FNDC3B: variants seen among roughly 807,000 people sequenced by gnomAD.
FNDC3B encodes fibronectin type III domain-containing protein 3B.
FNDC3B carries 12 observed loss-of-function variants against 151.5 expected under a neutral mutation model. The observed-to-expected ratio is 0.08, with a 90% confidence interval of 0.05 to 0.13. The LOEUF (loss-of-function observed/expected upper bound fraction) is 0.13. Ranked by LOEUF, FNDC3B falls within the 10% of genes least tolerant of loss-of-function variation. The pLI, the probability that FNDC3B is intolerant of heterozygous loss-of-function variation, is 1.00. For synonymous variants in FNDC3B, 528 were observed against 549.0 expected, an observed-to-expected ratio of 0.96 and a Z score of 0.54; for missense variants, 1,214 against 1,505.3, an observed-to-expected ratio of 0.81 and a Z score of 3.20.
intron 6 of FNDC3B, among the ~76,000 whole-genome samples, chr3:172,278,544 G>C (rs1364551973): frequency 6.6e-6 from 1 of 152,220 alleles, no homozygotes; most frequent in Non-Finnish European, 1.5e-5. Flanking sequence ...TGGTGCTAGA[G>C]TTAATCTTGT....
At chr3:172,087,652 T>A (rs990939890) in intron 1 of FNDC3B, among the ~76,000 whole-genome samples, 3 of 152,178 alleles carry the variant, frequency 2.0e-5, no homozygotes, top group African/African-American at 7.2e-5. Flanking sequence ...TCAAATTTCA[T>A]TGCAAATTTT....
chr3:172,201,833 T>G (rs1287502456), intron 3 of FNDC3B, among the ~76,000 whole-genome samples: 1 of 152,180 alleles, frequency 6.6e-6, no homozygotes, highest in East Asian at 1.9e-4. Context: ...ATACAGCATT[T>G]TTTTAGTGTA....
intron 14 of FNDC3B, 42 bp downstream of exon 14, chr3:172,333,217 A>G: frequency 2.4e-6 from 3 of 1,233,564 alleles, no homozygotes; most frequent in Non-Finnish European, 3.6e-6. Context: ...TAAAAATGAA[A>G]CTGTTTTCTA....
chr3:172,061,050 T>C (rs1717170804), intron 1 of FNDC3B, among the ~76,000 whole-genome samples: 2 of 152,318 alleles, frequency 1.3e-5, no homozygotes, highest in South Asian at 2.1e-4. Flanking sequence ...CTATACCTCC[T>C]GAGCTCCTGG....
intron 1 of FNDC3B, among the ~76,000 whole-genome samples, chr3:172,047,676 AAC>A (rs1204548582): frequency 6.6e-6 from 1 of 152,220 alleles, no homozygotes; most frequent in East Asian, 1.9e-4. Context: ...GTGAACTACA[AAC>A]AGTTTACCAG....
chr3:172,383,557 G>A (rs971894794), intron 25 of FNDC3B, among the ~76,000 whole-genome samples: 6 of 152,152 alleles, frequency 3.9e-5, no homozygotes, highest in Admixed American at 2.6e-4. Flanking sequence ...TAATGTCAAA[G>A]GAATCACCCG....
intron 1 of FNDC3B, among the ~76,000 whole-genome samples, chr3:172,045,598 A>G (rs1716324259): frequency 6.6e-6 from 1 of 152,164 alleles, no homozygotes; most frequent in Non-Finnish European, 1.5e-5. Context: ...CTGCCTTTCC[A>G]CTTTAGAAAT....
chr3:172,043,216 CT>C (rs1716181251), intron 1 of FNDC3B, among the ~76,000 whole-genome samples: 1 of 152,252 alleles, frequency 6.6e-6, no homozygotes, highest in African/African-American at 2.4e-5. Flanking sequence ...CACACCCGGA[CT>C]AAGTTTTATT....
In FNDC3B at chr3:172,331,503, G is replaced by T. The variant is rs147337490; in HGVS notation, c.1554+788G>T. On this transcript the variant is annotated intron_variant, in intron 13 of 25. Coordinates refer to ENST00000415807, the MANE Select transcript of FNDC3B (RefSeq NM_022763.4). ...TTCCCAAGTAGCTGGGACTACAGGCGCCCGCCACCACACCCGGCTAATTTT... is the reference window on the plus strand; with the variant it reads ...TTCCCAAGTAGCTGGGACTACAGGCTCCCGCCACCACACCCGGCTAATTTT... Among the ~76,000 whole-genome samples, 26 of 152,052 alleles carry T rather than the reference G, an allele frequency of 1.7e-4. 1 individual carries two copies. The East Asian group carries it at 4.8e-3, about 28-fold the overall frequency.
chr3:172,229,101 AC>A (rs1474449292), intron 4 of FNDC3B, among the ~76,000 whole-genome samples: 1 of 148,710 alleles, frequency 6.7e-6, no homozygotes, highest in African/African-American at 2.5e-5. Flanking sequence ...ACACACACAC[AC>A]ACACACACAC....
intron 25 of FNDC3B, among the ~76,000 whole-genome samples, chr3:172,390,397 C>T (rs1257602403): frequency 6.6e-6 from 1 of 152,058 alleles, no homozygotes; most frequent in Non-Finnish European, 1.5e-5. Flanking sequence ...AAATAGGATT[C>T]CTTTATTTTT....
chr3:172,284,189 G>A (rs187187374), intron 6 of FNDC3B, among the ~76,000 whole-genome samples: 56 of 152,252 alleles, frequency 3.7e-4, no homozygotes, highest in African/African-American at 1.2e-3. Flanking sequence ...TTGTCCTAGG[G>A]CAGGGGTCAT....
At chr3:172,175,745 A>G (rs376710005) in intron 3 of FNDC3B, among the ~76,000 whole-genome samples, 3 of 152,218 alleles carry the variant, frequency 2.0e-5, no homozygotes, top group East Asian at 1.9e-4. Context: ...CATGATTACC[A>G]TAGTAAGTGA....
At chr3:172,324,572 A>G (rs111703689) in intron 11 of FNDC3B, among the ~76,000 whole-genome samples, 1,570 of 152,304 alleles carry the variant, frequency 0.01, 17 homozygotes, top group Non-Finnish European at 0.016. Flanking sequence ...GTAAAGAAAG[A>G]TTAACCTTGC....
At chr3:172,125,992 A>T (rs1315296032) in intron 2 of FNDC3B, among the ~76,000 whole-genome samples, 1 of 152,190 alleles carries the variant, frequency 6.6e-6, no homozygotes, top group East Asian at 1.9e-4. Flanking sequence ...GCCTTGGAAA[A>T]AGAACTGGAG....
intron 14 of FNDC3B, among the ~76,000 whole-genome samples, chr3:172,334,274 A>G (rs1732835986): frequency 6.6e-6 from 1 of 151,996 alleles, no homozygotes; most frequent in Admixed American, 6.6e-5. Context: ...TTTCTCCACA[A>G]GGTGGCATTG....
At position 172,239,856 on chromosome 3, in the gene FNDC3B, C is replaced by CTTTTTTTTTTTT. The variant is rs71179981; in HGVS notation, c.265-7658_265-7647dup. Among the ~76,000 whole-genome samples, 139 of 49,928 alleles carry CTTTTTTTTTTTT rather than the reference C, an allele frequency of 2.8e-3. 28 individuals are homozygous for CTTTTTTTTTTTT. Among genetic ancestry groups the CTTTTTTTTTTTT allele is most frequent in the African/African-American group, 3.9e-3 (52 of 13,324 alleles). The allele number at this position is 49,928 out of a possible 152,430, so 32.8% of individuals were successfully genotyped here. A position where few individuals can be genotyped will look rare whatever the true frequency, so the allele number is the denominator to read the frequency against. On this transcript the variant is annotated intron_variant, in intron 4 of 25. Coordinates refer to ENST00000415807, the MANE Select transcript of FNDC3B (RefSeq NM_022763.4). ...TGTTTTTAGGAGATCCATTTTAGTT[C>CTTTTTTTTTTTT]TTTTTTTTTTTTTTTTTTTTTTTTT...
chr3:172,182,994 C>T (rs1036501524), intron 3 of FNDC3B, among the ~76,000 whole-genome samples: 7 of 152,210 alleles, frequency 4.6e-5, no homozygotes, highest in Admixed American at 6.5e-5. Flanking sequence ...CAAGATACAG[C>T]AAGCTAAAAG....
chr3:172,379,088 T>C (rs1454873607), intron 24 of FNDC3B, among the ~76,000 whole-genome samples: 2 of 152,208 alleles, frequency 1.3e-5, no homozygotes, highest in African/African-American at 4.8e-5. Context: ...TGCTGAGCCC[T>C]CAGCCTGTTA....
Sources: gnomAD v4.1 joint callset for allele counts (sites outside exome capture counted in the v4.1 genomes callset) on GRCh38, gnomAD v4.1.1 for gene constraint, MANE v1.5 for transcripts, NCBI Gene and HGNC (gene_info 2026-07-23, HGNC 2026-07-21) for gene names.